ZNF251: variants seen among roughly 807,000 people sequenced by gnomAD.
ZNF251 encodes the protein zinc finger protein 251.
ZNF251 carries 14 observed loss-of-function variants against 13.5 expected under a neutral mutation model. That is an observed-to-expected ratio of 1.04 (90% CI 0.69 to 1.63). The LOEUF (loss-of-function observed/expected upper bound fraction) is 1.63. Among genes scored for constraint, ZNF251 ranks in the 40% most tolerant of loss-of-function variants. The probability of loss-of-function intolerance (pLI) is 0.00; values close to 1 mark genes in which losing one functional copy is unlikely to be tolerated. For missense variants in ZNF251, 764 were observed against 834.9 expected, an observed-to-expected ratio of 0.92 and a Z score of 1.05; for synonymous variants, 287 against 295.2, an observed-to-expected ratio of 0.97 and a Z score of 0.28.
intron 1 of ZNF251, chr8:144,755,078 G>T: frequency 7.7e-7 from 1 of 1,299,150 alleles, no homozygotes; most frequent in Non-Finnish European, 9.8e-7. Context: ...GGGGTGCAGG[G>T]CCGTTCTACC....
chr8:144,751,138 C>T (rs142532091), intron 4 of ZNF251, among the ~76,000 whole-genome samples: 45 of 152,138 alleles, frequency 3.0e-4, no homozygotes, highest in Middle Eastern at 3.4e-3. Flanking sequence ...TGTGAGCCAC[C>T]GCACCCGGCC....
chr8:144,747,674 CG>C (rs201000153), intron 4 of ZNF251, among the ~76,000 whole-genome samples: 68,145 of 114,832 alleles, frequency 0.59, 15,991 homozygotes, highest in Non-Finnish European at 0.68. Flanking sequence ...TGCGATGGCG[CG>C]AATCTCGGCT....
At position 144,723,037 on chromosome 8, in the gene ZNF251, A is replaced by T. The variant is rs1823416484; in HGVS notation, c.623T>A (p.Val208Asp). Residue 208 changes from valine (V) to aspartate (D), a missense_variant, in exon 5 of 5, where the codon GTC becomes GAC. Physicochemically the swap from Val to Asp is radical, Grantham distance 152. Coordinates refer to ENST00000292562, the MANE Select transcript of ZNF251 (RefSeq NM_138367.2). ...RLQRNKTGER[V>D]FKCDICSKTF... ...TTTGCTGCATATATCACATTTAAAG[A>T]CCCTCTCTCCTGTTTTATTTCTTTG... is the stretch of plus-strand genomic sequence containing the variant. The T allele has an allele frequency of 7.4e-6, 12 of 1,613,178 alleles. No homozygotes were observed. In the East Asian group the frequency reaches 2.7e-4, roughly 36 times the overall value.
rs1823362126 is a variant in ZNF251 at position 144,721,135 on chromosome 8, A to C, written c.*509T>G. 2 of 162,666 alleles carry C rather than the reference A, an allele frequency of 1.2e-5. No homozygotes were observed. The highest frequency in any genetic ancestry group is 1.3e-4 in the Admixed American group (2 of 15,552). 10.1% of individuals were successfully genotyped at this position (162,666 alleles called of 1,614,324 possible). ...AATGAAATGCAAAAACTGGGGCTCC[A>C]AGCAAGGAAGAAACGTCTACCTGCA... On this transcript the variant is annotated 3_prime_UTR_variant, in exon 5 of 5. Transcript: ENST00000292562.
chr8:144,750,827 G>C lies in ZNF251; in HGVS notation c.277+2856C>G, dbSNP rs369839957. 1.6e-4 allele frequency among the ~76,000 whole-genome samples: 24 copies of C among 149,438 alleles called. No individual in the cohort carries two copies. The East Asian group carries it at 2.6e-3, about 16-fold the overall frequency. ...GATGTGGTTGTGATTCTTTGTATCT[G>C]CCTGTTTATCTCTCCAGAGTTTTTT... is the stretch of plus-strand genomic sequence containing the variant. On this transcript the variant is annotated intron_variant, in intron 4 of 4. Coordinates refer to ENST00000292562, the MANE Select transcript of ZNF251 (RefSeq NM_138367.2).
chr8:144,744,723 T>G (rs1286025834), intron 4 of ZNF251, among the ~76,000 whole-genome samples: 1 of 152,128 alleles, frequency 6.6e-6, no homozygotes, highest in Non-Finnish European at 1.5e-5. Context: ...AAACTAACCA[T>G]GCTAACACAC....
chr8:144,737,510 A>AAAAC (rs200014252), intron 4 of ZNF251, among the ~76,000 whole-genome samples: 31 of 150,294 alleles, frequency 2.1e-4, no homozygotes, highest in South Asian at 6.3e-4. Flanking sequence ...TTCCGTCGCA[A>AAAAC]AAACAAACAA....
In ZNF251 at chr8:144,722,633, G is replaced by A. The variant is rs866352850; in HGVS notation, c.1027C>T (p.His343Tyr). Residue 343 changes from histidine to tyrosine, a missense_variant, in exon 5 of 5, where the codon CAC becomes TAC. By Grantham distance (83) the His-to-Tyr change is moderately conservative. Coordinates refer to ENST00000292562, the MANE Select transcript of ZNF251 (RefSeq NM_138367.2). The surrounding 1 kb of genome is among the most constrained non-coding windows in gnomAD (Gnocchi z 4.8). The stretch of plus-strand genomic sequence containing the variant: ...CATTCATGCGGCTTCTCTCCAGTGT[G>A]AATTCTCTGATGCTGAGTTAACTGG... ...SPQLTQHQRIHTGEKPHECSH... is the reference protein window; with the variant it reads ...SPQLTQHQRIYTGEKPHECSH... The A allele has an allele frequency of 6.2e-7, 1 of 1,614,208 alleles. No individual in the cohort carries two copies. The highest frequency in any genetic ancestry group is 1.1e-5 in the South Asian group (1 of 91,082).
At chr8:144,731,126 A>G (rs931058315) in intron 4 of ZNF251, among the ~76,000 whole-genome samples, 3 of 152,150 alleles carry the variant, frequency 2.0e-5, no homozygotes, top group Non-Finnish European at 4.4e-5. Flanking sequence ...GACGTCATCC[A>G]CGGGATGCCT....
chr8:144,740,057 G>C (rs925264200), intron 4 of ZNF251, among the ~76,000 whole-genome samples: 2 of 152,022 alleles, frequency 1.3e-5, no homozygotes, highest in Non-Finnish European at 2.9e-5. Context: ...AGGCCGAGGC[G>C]GGCAGATCAC....
At chr8:144,747,858 C>T (rs1025605861) in intron 4 of ZNF251, among the ~76,000 whole-genome samples, 4 of 152,050 alleles carry the variant, frequency 2.6e-5, no homozygotes, top group East Asian at 1.9e-4. Flanking sequence ...GTGATCCACC[C>T]GCCTCGGCCT....
intron 4 of ZNF251, among the ~76,000 whole-genome samples, chr8:144,741,534 CTGAAA>C (rs1162982566): frequency 6.6e-6 from 1 of 152,148 alleles, no homozygotes. Context: ...CCATCTGACC[CTGAAA>C]TGAGTCAGAT....
At chr8:144,723,841 T>C (rs561746063) in intron 4 of ZNF251, among the ~76,000 whole-genome samples, 23 of 151,484 alleles carry the variant, frequency 1.5e-4, no homozygotes, top group African/African-American at 5.3e-4. Context: ...ATGCCAGGAG[T>C]GAGATTCAAG....
In ZNF251 at chr8:144,754,188, T is replaced by C; in HGVS notation, c.163+4A>G. The C allele has an allele frequency of 2.5e-6, 4 of 1,611,554 alleles. No individual in the cohort carries two copies. The highest frequency in any genetic ancestry group is 1.7e-4 in the Middle Eastern group (1 of 6,040). On this transcript the variant is annotated splice_donor_region_variant and intron_variant, in intron 3 of 4. Coordinates refer to ENST00000292562, the MANE Select transcript of ZNF251 (RefSeq NM_138367.2). ...CGAACCAGGCCAAGTGCAGAGAGCC[T>C]CACCCAGAGAGGCCACGTTCCCATA...
At chr8:144,733,114 C>T (rs1281995248) in intron 4 of ZNF251, among the ~76,000 whole-genome samples, 6 of 150,832 alleles carry the variant, frequency 4.0e-5, no homozygotes, top group South Asian at 2.1e-4. Context: ...CCCAGGTACA[C>T]GGGAAGCTGA....
chr8:144,732,724 A>C (rs1315415946), intron 4 of ZNF251, among the ~76,000 whole-genome samples: 1 of 151,638 alleles, frequency 6.6e-6, no homozygotes. Context: ...AGGCAGGAGA[A>C]TGGCGTGAAC....
At position 144,754,292 on chromosome 8, in the gene ZNF251, G is replaced by C. The variant is rs756327524; in HGVS notation, c.63C>G (p.Ala21=). ...QEMPLTFQDV[A]VYFSQAEGRQ... is the part of the protein sequence containing the mutation. Reference sequence around the variant, plus strand: ...GCCCCTCCGCCTGAGAGAAGTACACGGCCACATCCTGGAAGGTCAGCGGCA... The same window carrying C: ...GCCCCTCCGCCTGAGAGAAGTACACCGCCACATCCTGGAAGGTCAGCGGCA... The change falls in exon 3 of 5, where the codon GCC becomes GCG. Residue 21 remains alanine (A), a synonymous_variant. Transcript: ENST00000292562. 2.5e-6 allele frequency: 4 copies of C among 1,612,316 alleles called. No homozygotes were observed. The highest frequency in any genetic ancestry group is 3.4e-6 in the Non-Finnish European group (4 of 1,179,266).
intron 4 of ZNF251, among the ~76,000 whole-genome samples, chr8:144,749,021 T>A (rs1327728022): frequency 1.3e-5 from 2 of 152,092 alleles, no homozygotes; most frequent in Admixed American, 1.3e-4. Flanking sequence ...AAAAAAGAGC[T>A]GGATGTGGTG....
At chr8:144,744,215 T>C (rs1327289009) in intron 4 of ZNF251, among the ~76,000 whole-genome samples, 2 of 152,084 alleles carry the variant, frequency 1.3e-5, no homozygotes, top group African/African-American at 4.8e-5. Context: ...TTTCACCATG[T>C]TGGCCAGGCT....
Sources: allele counts gnomAD v4.1 joint callset (sites outside exome capture counted in the v4.1 genomes callset), GRCh38; gene constraint gnomAD v4.1.1; non-coding constraint Gnocchi (gnomAD v3.1); transcripts MANE v1.5; gene names NCBI Gene and HGNC (gene_info 2026-07-23, HGNC 2026-07-21).